The following PAQR8 variants were observed in gnomAD, a reference collection of about 807,000 sequenced individuals.
PAQR8 encodes the protein progestin and adipoQ receptor family member 8.
A neutral mutation model predicts 25.2 loss-of-function variants in PAQR8; 17 were observed. That is an observed-to-expected ratio of 0.67 (90% confidence interval 0.46 to 1.01). PAQR8 has a LOEUF of 1.01. PAQR8 is among the 50% of genes least tolerant of loss of function. The probability of loss-of-function intolerance (pLI) is 0.00; values close to 1 mark genes in which losing one functional copy is unlikely to be tolerated. For synonymous variants in PAQR8, 204 were observed against 190.6 expected (o/e 1.07, Z -0.58); for missense variants, 392 against 448.4 (o/e 0.87, Z 1.14).
chr6:52,389,949 A>G (rs1181203684), intron 1 of PAQR8, among the ~76,000 whole-genome samples: 1 of 152,128 alleles, frequency 6.6e-6, no homozygotes, highest in East Asian at 1.9e-4. Flanking sequence ...AAGCCAAACC[A>G]CACCTAACGA....
intron 1 of PAQR8, among the ~76,000 whole-genome samples, chr6:52,377,530 A>C (rs1581790665): frequency 6.6e-6 from 1 of 152,284 alleles, no homozygotes; most frequent in East Asian, 1.9e-4. Flanking sequence ...ACAGTCTTCA[A>C]GTAAACTGAC....
At chr6:52,400,621 G>A (rs531526184) in intron 1 of PAQR8, among the ~76,000 whole-genome samples, 1 of 152,326 alleles carries the variant, frequency 6.6e-6, no homozygotes, top group African/African-American at 2.4e-5. Flanking sequence ...CTGCCTAGAA[G>A]TCTCTTCCGC....
chr6:52,391,662 C>T (rs1413260275), intron 1 of PAQR8, among the ~76,000 whole-genome samples: 1 of 152,230 alleles, frequency 6.6e-6, no homozygotes, highest in Non-Finnish European at 1.5e-5. Flanking sequence ...AACTCCACCT[C>T]TGGCTCAAAG....
At position 52,403,782 on chromosome 6, in the gene PAQR8, C is replaced by T; in HGVS notation, c.569C>T (p.Ser190Phe). 6.2e-7 allele frequency: 1 copy of T among 1,614,242 alleles called. No homozygotes were observed. The highest frequency in any genetic ancestry group is 8.5e-7 in the Non-Finnish European group (1 of 1,180,046). Residue 190 changes from serine to phenylalanine, a missense_variant, in exon 2 of 2, where the codon TCT (serine) becomes TTT (phenylalanine). Ser to Phe is a radical substitution (Grantham distance 155). Transcript: ENST00000442253. The stretch of plus-strand genomic sequence containing the variant: ...GCAGCTGCCTTCTGTGGCTGGTTAT[C>T]TTGTGCTGGCTGTTGCTATGCCAAA... ...LPAAAFCGWL[S>F]CAGCCYAKYR...
chr6:52,402,891 C>T (rs762499933), intron 1 of PAQR8, among the ~76,000 whole-genome samples: 21 of 152,090 alleles, frequency 1.4e-4, no homozygotes, highest in Non-Finnish European at 2.9e-4. Flanking sequence ...GCCTGCTGTA[C>T]ATAGCGACAC....
intron 1 of PAQR8, among the ~76,000 whole-genome samples, chr6:52,385,028 G>A (rs780749548): frequency 6.6e-6 from 1 of 152,166 alleles, no homozygotes; most frequent in African/African-American, 2.4e-5. Flanking sequence ...ATGGATTAAA[G>A]ACTTAAATGT....
chr6:52,371,892 G>A (rs914080585), intron 1 of PAQR8, among the ~76,000 whole-genome samples: 1 of 152,216 alleles, frequency 6.6e-6, no homozygotes, highest in African/African-American at 2.4e-5. Context: ...CAGATGCCTT[G>A]TTTGTGTGGG....
At chr6:52,391,255 G>T (rs1349424699) in intron 1 of PAQR8, among the ~76,000 whole-genome samples, 2 of 152,210 alleles carry the variant, frequency 1.3e-5, no homozygotes, top group African/African-American at 4.8e-5. Flanking sequence ...GTGCAGTGGA[G>T]ACTACAGTGA....
chr6:52,389,514 G>T (rs1372529931), intron 1 of PAQR8, among the ~76,000 whole-genome samples: 1 of 152,156 alleles, frequency 6.6e-6, no homozygotes, highest in Non-Finnish European at 1.5e-5. Context: ...ATAGATAAGG[G>T]TTGGGGGCGG....
At chr6:52,383,538 G>A (rs1404460965) in intron 1 of PAQR8, among the ~76,000 whole-genome samples, 1 of 151,582 alleles carries the variant, frequency 6.6e-6, no homozygotes, top group East Asian at 1.9e-4. Context: ...GCGGGCGCCT[G>A]TAGTCCCAGC....
At position 52,405,478 on chromosome 6, in the gene PAQR8, C is replaced by T. The variant is rs531712807; in HGVS notation, c.*1200C>T. ...GGGTGAGAACATGTGAACCAGGCAC[C>T]CTGGTTTGTTTGGAGCATTGCTGCC... On this transcript the variant is annotated 3_prime_UTR_variant, in exon 2 of 2. Coordinates refer to ENST00000442253, the MANE Select transcript of PAQR8 (RefSeq NM_133367.5). 6.0e-6 allele frequency: 1 copy of T among 167,180 alleles called. No homozygotes were observed. The highest frequency in any genetic ancestry group is 2.4e-5 in the African/African-American group (1 of 41,544). The allele number at this position is 167,180 out of a possible 1,614,324, so 10.4% of individuals were successfully genotyped here. A position where few individuals can be genotyped will look rare whatever the true frequency, so the allele number is the denominator to read the frequency against.
chr6:52,398,204 CTTTTTTTTTT>C (rs869285681), intron 1 of PAQR8, among the ~76,000 whole-genome samples: 1 of 85,818 alleles, frequency 1.2e-5, no homozygotes, highest in African/African-American at 7.4e-5. Context: ...TTTCTTTTTT[CTTTTTTTTTT>C]TTTTTTTTTG....
chr6:52,392,120 T>C (rs1188146449), intron 1 of PAQR8, among the ~76,000 whole-genome samples: 1 of 152,124 alleles, frequency 6.6e-6, no homozygotes, highest in African/African-American at 2.4e-5. Flanking sequence ...GGCGGGCAGA[T>C]TGCCTGAGCT....
intron 1 of PAQR8, among the ~76,000 whole-genome samples, chr6:52,366,913 C>G (rs1763360363): frequency 6.6e-6 from 1 of 152,086 alleles, no homozygotes; most frequent in African/African-American, 2.4e-5. Context: ...CCACACCCAG[C>G]TAATTTTTGT....
intron 1 of PAQR8, among the ~76,000 whole-genome samples, chr6:52,365,978 A>C (rs1763347246): frequency 6.6e-6 from 1 of 152,158 alleles, no homozygotes; most frequent in African/African-American, 2.4e-5. Flanking sequence ...ATATTATTCT[A>C]ACGAAACAGC....
chr6:52,368,115 A>AGTGCCTGT (rs1763374294), intron 1 of PAQR8, among the ~76,000 whole-genome samples: 1 of 152,186 alleles, frequency 6.6e-6, no homozygotes, highest in Non-Finnish European at 1.5e-5. Flanking sequence ...CTGTAGTCCC[A>AGTGCCTGT]ACTACTTGGG....
chr6:52,401,649 C>T (rs1006571484), intron 1 of PAQR8, among the ~76,000 whole-genome samples: 1 of 152,072 alleles, frequency 6.6e-6, no homozygotes, highest in East Asian at 1.9e-4. Flanking sequence ...AAATTTAGGT[C>T]ACATGTTAAT....
In PAQR8 at chr6:52,383,428, G is replaced by A. The variant is rs57860305; in HGVS notation, c.-52-19734G>A. Among the ~76,000 whole-genome samples the A allele has an allele frequency of 3.8e-3, 571 of 152,224 alleles. 5 individuals carry two copies. Among genetic ancestry groups the A allele is most frequent in the African/African-American group, 0.013 (527 of 41,552 alleles). ...TGTAATCCCAGCACTTTGGGAGGCC[G>A]AGGCGGGCGGATCACGAGGTCAGGA... On this transcript the variant is annotated intron_variant, in intron 1 of 1. Coordinates refer to ENST00000442253, the MANE Select transcript of PAQR8 (RefSeq NM_133367.5).
At chr6:52,396,438 A>G (rs1431218074) in intron 1 of PAQR8, among the ~76,000 whole-genome samples, 1 of 152,190 alleles carries the variant, frequency 6.6e-6, no homozygotes, top group Non-Finnish European at 1.5e-5. Context: ...AGGCTGGAAT[A>G]GGAAGGAAAA....
Sources: gnomAD v4.1 joint callset for allele counts (sites outside exome capture counted in the v4.1 genomes callset) on GRCh38, gnomAD v4.1.1 for gene constraint, MANE v1.5 for transcripts, NCBI Gene and HGNC (gene_info 2026-07-23, HGNC 2026-07-21) for gene names.